The following SPEN variants were observed in gnomAD, a reference collection of about 807,000 sequenced individuals.
SPEN encodes the protein msx2-interacting protein.
A neutral mutation model predicts 269.9 loss-of-function variants in SPEN; 18 were observed. The ratio of observed to expected loss-of-function variants is 0.07; its 90% CI spans 0.05 to 0.10. SPEN has a LOEUF of 0.10. SPEN is among the 10% of genes least tolerant of loss of function. The pLI, the probability that SPEN is intolerant of heterozygous loss-of-function variation, is 1.00. For missense variants in SPEN, 3,822 were observed against 4,631.2 expected, an observed-to-expected ratio of 0.83 and a Z score of 5.07; for synonymous variants, 1,726 against 1,765.7, an observed-to-expected ratio of 0.98 and a Z score of 0.56.
chr1:15,885,093 T>C (rs1468369528), intron 3 of SPEN, among the ~76,000 whole-genome samples: 1 of 152,210 alleles, frequency 6.6e-6, no homozygotes, highest in Non-Finnish European at 1.5e-5. Flanking sequence ...TCGGTGATGA[T>C]CATAGAAACA....
At chr1:15,882,203 T>G (rs2070692342) in intron 3 of SPEN, among the ~76,000 whole-genome samples, 1 of 152,208 alleles carries the variant, frequency 6.6e-6, no homozygotes, top group Admixed American at 6.5e-5. Context: ...TCTTTTTGTT[T>G]CTCTGTCATG....
At chr1:15,894,016 G>A (rs1239074031) in intron 3 of SPEN, among the ~76,000 whole-genome samples, 2 of 152,156 alleles carry the variant, frequency 1.3e-5, no homozygotes, top group African/African-American at 4.8e-5. Context: ...CAGCCTGGGC[G>A]ACAGAAAAGG....
chr1:15,919,931 A>G (rs2148733428), intron 8 of SPEN, among the ~76,000 whole-genome samples: 1 of 152,328 alleles, frequency 6.6e-6, no homozygotes, highest in East Asian at 1.9e-4. Context: ...TTTTTATGTA[A>G]TACATCCATA....
At chr1:15,877,417 C>T (rs760779267) in intron 3 of SPEN, among the ~76,000 whole-genome samples, 5 of 152,098 alleles carry the variant, frequency 3.3e-5, no homozygotes, top group African/African-American at 1.2e-4. Flanking sequence ...TACAAACGTG[C>T]GCAACCACGC....
intron 2 of SPEN, chr1:15,873,730 T>G: frequency 2.0e-6 from 2 of 1,000,706 alleles, no homozygotes; most frequent in African/African-American, 3.5e-5. Flanking sequence ...ATTTTGGATC[T>G]ACACAATTTC....
At chr1:15,860,384 T>TGG (rs1393759365) in intron 1 of SPEN, among the ~76,000 whole-genome samples, 1 of 125,938 alleles carries the variant, frequency 7.9e-6, no homozygotes, top group Non-Finnish European at 1.6e-5. Context: ...CAGAGGTGTG[T>TGG]GTGTGTGTGT....
At chr1:15,894,469 C>T (rs796069886) in intron 3 of SPEN, among the ~76,000 whole-genome samples, 7 of 150,900 alleles carry the variant, frequency 4.6e-5, no homozygotes, top group East Asian at 1.9e-4. Context: ...TTAACAAAAA[C>T]GTAGCCTCTT....
At chr1:15,880,452 G>T (rs1228693095) in intron 3 of SPEN, among the ~76,000 whole-genome samples, 2 of 134,442 alleles carry the variant, frequency 1.5e-5, no homozygotes, top group African/African-American at 5.7e-5. Flanking sequence ...TGTAATTATA[G>T]CTTTTTTTTT....
intron 2 of SPEN, chr1:15,874,347 T>C: frequency 7.3e-7 from 1 of 1,366,408 alleles, no homozygotes; most frequent in South Asian, 1.1e-5. Flanking sequence ...CACAATTCTC[T>C]CCCTAGATTT....
intron 13 of SPEN, 153 bp from the exon 14 acceptor site, chr1:15,938,565 C>CT (rs200567875): frequency 0.045 from 10,792 of 238,922 alleles, 446 homozygotes; most frequent in African/African-American, 0.085. Context: ...TGAAAAAAAG[C>CT]TTTTTTTTTT....
chr1:15,921,024 A>G (rs2071112880), intron 9 of SPEN, 41 bp downstream of exon 9: 3 of 1,346,786 alleles, frequency 2.2e-6, no homozygotes, highest in African/African-American at 1.5e-5. Context: ...ACAAAGTCCT[A>G]TTCAAATCTC....
In SPEN at chr1:15,929,669, T is replaced by C; in HGVS notation, c.3429T>C (p.Arg1143=). The change falls in exon 11 of 15, where the codon CGT becomes CGC. Residue 1143 remains arginine, a synonymous_variant. Coordinates refer to ENST00000375759, the MANE Select transcript of SPEN (RefSeq NM_015001.3). The surrounding 1 kb of genome is among the most constrained non-coding windows in gnomAD (Gnocchi z 5.8). The part of the protein sequence containing the change: ...YCSLRDETPE[R]KSGQEKSHSV... Reference sequence around the variant, plus strand: ...GTCTTCGTGATGAAACACCTGAACGTAAATCAGGCCAAGAGAAATCACATT... The same window carrying C: ...GTCTTCGTGATGAAACACCTGAACGCAAATCAGGCCAAGAGAAATCACATT... The C allele has an allele frequency of 6.2e-7, 1 of 1,614,084 alleles. No individual in the cohort carries two copies. Among genetic ancestry groups the C allele is most frequent in the Middle Eastern group, 1.6e-4 (1 of 6,062 alleles).
At chr1:15,912,657 T>C (rs1271212863) in intron 5 of SPEN, among the ~76,000 whole-genome samples, 1 of 152,190 alleles carries the variant, frequency 6.6e-6, no homozygotes, top group Non-Finnish European at 1.5e-5. Flanking sequence ...AATATTATCT[T>C]TTCAAAGGAT....
At chr1:15,859,776 C>T (rs1477588703) in intron 1 of SPEN, among the ~76,000 whole-genome samples, 1 of 151,928 alleles carries the variant, frequency 6.6e-6, no homozygotes, top group Non-Finnish European at 1.5e-5. Context: ...TTCGAGAGGA[C>T]TTTTCCTAAA....
rs375246918 is a variant in SPEN at position 15,932,215 on chromosome 1, G to T, written c.5975G>T (p.Gly1992Val). The change falls in exon 11 of 15, where the codon GGT becomes GTT. Residue 1992 changes from glycine to valine, a missense_variant. By Grantham distance (109) the Gly-to-Val change is moderately radical (BLOSUM62 -3). Around this residue, in one of 16 missense-constraint regions of SPEN, gnomAD observed 533 missense variants for 618.8 expected, o/e 0.86. Transcript: ENST00000375759. This position sits in a 1 kb window ranked among gnomAD's most constrained non-coding sequence, Gnocchi z 4.2. ...RSPRSQKTAA[G>V]GGPQGKKGKN... ...CCAAGGTCCCAGAAAACTGCAGCTG[G>T]TGGTGGACCCCAAGGGAAAAAGGGA... 33 of 1,612,832 alleles carry T rather than the reference G, an allele frequency of 2.0e-5. No homozygotes were observed. The highest frequency in any genetic ancestry group is 2.6e-5 in the Non-Finnish European group (31 of 1,179,684).
intron 3 of SPEN, among the ~76,000 whole-genome samples, chr1:15,889,860 C>T (rs945072625): frequency 3.9e-5 from 6 of 152,016 alleles, no homozygotes; most frequent in South Asian, 2.1e-4. Context: ...ATTACACGTG[C>T]CTGCCACCAT....
chr1:15,875,294 T>C (rs1183759265), intron 2 of SPEN, among the ~76,000 whole-genome samples: 3 of 151,822 alleles, frequency 2.0e-5, no homozygotes, highest in Non-Finnish European at 4.4e-5. Context: ...AGTTAAGCTA[T>C]TTTGCTAATA....
chr1:15,857,584 T>C (rs2070399940), intron 1 of SPEN, among the ~76,000 whole-genome samples: 1 of 152,112 alleles, frequency 6.6e-6, no homozygotes, highest in African/African-American at 2.4e-5. Flanking sequence ...CTTGAACTCC[T>C]GACCTCAAGT....
In SPEN at chr1:15,848,609, C is replaced by T. The variant is rs1156783756; in HGVS notation, c.83+459C>T. On this transcript the variant is annotated intron_variant, in intron 1 of 14. Transcript: ENST00000375759. The surrounding 1 kb of genome is among the most constrained non-coding windows in gnomAD (Gnocchi z 5.1). Reference sequence around the variant, plus strand: ...TCTGCGGGCGCTCGGCAATGTCTGACTTCGGGAGGGTTCCGTGCGAAGGGA... The same window carrying T: ...TCTGCGGGCGCTCGGCAATGTCTGATTTCGGGAGGGTTCCGTGCGAAGGGA... Among the ~76,000 whole-genome samples the T allele has an allele frequency of 1.3e-5, 2 of 152,056 alleles. No homozygotes were observed. Among genetic ancestry groups the T allele is most frequent in the African/African-American group, 4.8e-5 (2 of 41,450 alleles).
Sources: allele counts gnomAD v4.1 joint callset (sites outside exome capture counted in the v4.1 genomes callset), GRCh38; gene constraint gnomAD v4.1.1; regional missense constraint gnomAD v4.1.1; non-coding constraint Gnocchi (gnomAD v3.1); transcripts MANE v1.5; gene names NCBI Gene and HGNC (gene_info 2026-07-23, HGNC 2026-07-21).